Variants in ACE observed in about 807,000 individuals in gnomAD.
The protein encoded by ACE is angiotensin I converting enzyme, also known as angiotensin-converting enzyme.
ACE carries 122 observed loss-of-function variants against 162.3 expected under a neutral mutation model. The ratio of observed to expected loss-of-function variants is 0.75; its 90% CI spans 0.65 to 0.87. ACE has a LOEUF of 0.87. ACE is among the 40% of genes least tolerant of loss of function. The probability of loss-of-function intolerance (pLI) is 0.00; values close to 1 mark genes in which losing one functional copy is unlikely to be tolerated. For synonymous variants in ACE, 796 were observed against 720.6 expected (o/e 1.10, Z -1.68); for missense variants, 1,799 against 1,735.1 (o/e 1.04, Z -0.65).
Position 63,481,071 on chromosome 17 carries a change from C to A in ACE, c.848-20C>A. The A allele has an allele frequency of 6.2e-7, 1 of 1,608,958 alleles. No individual in the cohort carries two copies. Among genetic ancestry groups the A allele is most frequent in the South Asian group, 1.1e-5 (1 of 90,984 alleles). On this transcript the variant is annotated intron_variant, in intron 5 of 24. Transcript: ENST00000290866. ...ACAGCCAGGCAGGGAGCCAAGCTGT[C>A]CCCTTCCTTCCTTATCTAGGAGACA...
chr17:63,486,544 C>T lies in ACE; in HGVS notation c.2059-13C>T. ...CTCCTGGGCCCTGTGACACCATCCC[C>T]CTGTGCCCTCAGCTGCAGAAGAACA... is the stretch of plus-strand genomic sequence containing the variant. On this transcript the variant is annotated splice_polypyrimidine_tract_variant and intron_variant, in intron 13 of 24. Coordinates refer to ENST00000290866, the MANE Select transcript of ACE (RefSeq NM_000789.4). The T allele has an allele frequency of 6.2e-7, 1 of 1,613,986 alleles. No individual in the cohort carries two copies. Among genetic ancestry groups the T allele is most frequent in the Non-Finnish European group, 8.5e-7 (1 of 1,179,918 alleles).
In ACE at chr17:63,493,670, A is replaced by G; in HGVS notation, c.3136+11A>G. On this transcript the variant is annotated intron_variant, in intron 20 of 24. Coordinates refer to ENST00000290866, the MANE Select transcript of ACE (RefSeq NM_000789.4). ...AGGGTGGCAGCGACGGTGAGAGAGA[A>G]GCGGGAGGCCCTGGTGGGCTGAGGA... is the stretch of plus-strand genomic sequence containing the variant. 1 of 1,613,656 alleles carries G rather than the reference A, an allele frequency of 6.2e-7. No homozygotes were observed. The highest frequency in any genetic ancestry group is 1.1e-5 in the South Asian group (1 of 91,022).
intron 5 of ACE, among the ~76,000 whole-genome samples, chr17:63,480,845 G>T (rs2049695317): frequency 2.0e-5 from 3 of 152,254 alleles, no homozygotes; most frequent in Admixed American, 2.0e-4. Context: ...CCCTGCCTCA[G>T]GATTGAGTGG....
At chr17:63,494,533 G>A in intron 22 of ACE, 63 bp downstream of exon 22, 1 of 1,433,454 alleles carries the variant, frequency 7.0e-7, no homozygotes, top group Non-Finnish European at 9.8e-7. Flanking sequence ...TGTTTCAACT[G>A]CGGCCACTGC....
At position 63,493,632 on chromosome 17, in the gene ACE, C is replaced by A; in HGVS notation, c.3109C>A (p.Leu1037Met). 1 of 1,614,150 alleles carries A rather than the reference C, an allele frequency of 6.2e-7. No individual in the cohort carries two copies. The highest frequency in any genetic ancestry group is 8.5e-7 in the Non-Finnish European group (1 of 1,180,022). ...GCCCAAGCACCTGCACAGTCTCAAC[C>A]TGCTGAGCAGTGAGGGTGGCAGCGA... is the stretch of plus-strand genomic sequence containing the variant. Reference protein sequence around the residue: ...STPKHLHSLNLLSSEGGSDEH... With the variant: ...STPKHLHSLNMLSSEGGSDEH... Residue 1037 changes from leucine (L) to methionine (M), a missense_variant, in exon 20 of 25, where the codon CTG becomes ATG. Leu to Met is a conservative substitution (Grantham distance 15). Transcript: ENST00000290866.
intron 17 of ACE, among the ~76,000 whole-genome samples, chr17:63,490,189 C>A (rs914493675): frequency 5.3e-5 from 8 of 152,330 alleles, no homozygotes; most frequent in African/African-American, 1.9e-4. Flanking sequence ...CTGATGTCAG[C>A]CGAAGCTTCA....
intron 21 of ACE, 93 bp downstream of exon 21, chr17:63,494,159 T>A: frequency 6.8e-7 from 1 of 1,460,542 alleles, no homozygotes; most frequent in Admixed American, 1.8e-5. Context: ...TAGGGGAGTG[T>A]GTGTGTGTGT....
chr17:63,492,851 A>G (rs369663378), intron 19 of ACE, among the ~76,000 whole-genome samples: 29 of 152,178 alleles, frequency 1.9e-4, no homozygotes, highest in Admixed American at 1.9e-3. Context: ...GCGAGACCCC[A>G]TTTCATAAAA....
Position 63,479,041 on chromosome 17 carries a change from A to G in ACE, c.452A>G (p.Tyr151Cys). 6.2e-7 allele frequency: 1 copy of G among 1,611,908 alleles called. No homozygotes were observed. The highest frequency in any genetic ancestry group is 8.5e-7 in the Non-Finnish European group (1 of 1,179,568). ...NALLSNMSRIYSTAKVCLPNK... is the reference protein window; with the variant it reads ...NALLSNMSRICSTAKVCLPNK... ...CTGCTAAGCAACATGAGCAGGATCT[A>G]CTCCACCGCCAAGGTCTGCCTCCCC... Residue 151 changes from tyrosine to cysteine, a missense_variant, in exon 3 of 25, where the codon TAC (tyrosine) becomes TGC (cysteine). Physicochemically the swap from Tyr to Cys is radical, Grantham distance 194. Transcript: ENST00000290866.
At chr17:63,486,312 G>T (rs1297213849) in intron 13 of ACE, 2 of 574,860 alleles carry the variant, frequency 3.5e-6, no homozygotes, top group Non-Finnish European at 6.2e-6. Flanking sequence ...ACACTTGGGG[G>T]TCTTCTCTTC....
At chr17:63,486,511 C>T (rs778922358) in intron 13 of ACE, 46 bp from the exon 14 acceptor site, 1 of 1,610,440 alleles carries the variant, frequency 6.2e-7, no homozygotes, top group Non-Finnish European at 8.5e-7. Context: ...TCAGAGGCTG[C>T]TCTGGAGCTC....
Position 63,496,450 on chromosome 17 carries a change from C to G in ACE, c.3437C>G (p.Ala1146Gly). The change falls in exon 23 of 25, where the codon GCT (alanine) becomes GGT (glycine). Residue 1146 changes from alanine (A) to glycine (G), a missense_variant. By Grantham distance (60) the Ala-to-Gly change is moderately conservative (BLOSUM62 0). Transcript: ENST00000290866. The stretch of plus-strand genomic sequence containing the variant: ...TTCCACGAGGCACTGTGCCAGGCAG[C>G]TGGCCACACGGGCCCCCTGCACAAG... Reference protein sequence around the residue: ...FQFHEALCQAAGHTGPLHKCD... With the variant: ...FQFHEALCQAGGHTGPLHKCD... The G allele has an allele frequency of 1.2e-6, 2 of 1,614,222 alleles. No homozygotes were observed. The highest frequency in any genetic ancestry group is 8.5e-7 in the Non-Finnish European group (1 of 1,180,046).
chr17:63,481,005 C>T lies in ACE; in HGVS notation c.848-86C>T, dbSNP rs544238298. On this transcript the variant is annotated intron_variant, in intron 5 of 24. Transcript: ENST00000290866. ...CTTGAGGGCCCCAGGGTACAGGTGCCGGCCCCAGGGTGCCACTCAGCGATG... is the reference window on the plus strand; with the variant it reads ...CTTGAGGGCCCCAGGGTACAGGTGCTGGCCCCAGGGTGCCACTCAGCGATG... The T allele has an allele frequency of 1.9e-5, 26 of 1,344,392 alleles. 1 individual carries two copies. Among genetic ancestry groups the T allele is most frequent in the Admixed American group, 5.1e-5 (3 of 59,380 alleles). 83.3% of individuals were successfully genotyped at this position (1,344,392 alleles called of 1,614,324 possible). A position where few individuals can be genotyped will look rare whatever the true frequency, so the allele number is the denominator to read the frequency against.
rs897870088 is a variant in ACE at position 63,484,359 on chromosome 17, C to T, written c.1739C>T (p.Pro580Leu). The change falls in exon 12 of 25, where the codon CCC (proline) becomes CTC (leucine). Residue 580 changes from proline (P) to leucine (L), a missense_variant. Transcript: ENST00000290866. The surrounding 1 kb of genome is among the most constrained non-coding windows in gnomAD (Gnocchi z 4.0). Reference sequence around the variant, plus strand: ...GTGCTGCAGGCTGGCTCCTCCAGGCCCTGGCAGGAGGTGCTGAAGGACATG... The same window carrying T: ...GTGCTGCAGGCTGGCTCCTCCAGGCTCTGGCAGGAGGTGCTGAAGGACATG... ...RKVLQAGSSR[P>L]WQEVLKDMVG... 1.2e-6 allele frequency: 2 copies of T among 1,611,134 alleles called. No homozygotes were observed. The highest frequency in any genetic ancestry group is 1.7e-6 in the Non-Finnish European group (2 of 1,179,846).
At chr17:63,481,263 C>A in intron 6 of ACE, 75 bp downstream of exon 6, 1 of 1,390,266 alleles carries the variant, frequency 7.2e-7, no homozygotes, top group Non-Finnish European at 1.0e-6. Context: ...CAGATGGGCA[C>A]AGGGGCGGGA....
At chr17:63,493,794 A>G in intron 20 of ACE, 128 bp from the exon 21 acceptor site, 1 of 1,521,320 alleles carries the variant, frequency 6.6e-7, no homozygotes, top group Non-Finnish European at 9.0e-7. Context: ...GGAGCCACCC[A>G]GACCATCCCA....
chr17:63,482,393 A>G (rs979087818), intron 7 of ACE, 73 bp from the exon 8 acceptor site: 36 of 1,407,614 alleles, frequency 2.6e-5, no homozygotes, highest in African/African-American at 9.9e-5. Flanking sequence ...TCAGGTGCCA[A>G]TCTGCCCTGT....
Position 63,484,189 on chromosome 17 carries a change from G to A in ACE, c.1710-141G>A. ...AAATGCCCCCTGCCACCATCAGAGA[G>A]ATCCCAGGCCCCAGGGTCTTATTGC... is the stretch of plus-strand genomic sequence containing the variant. On this transcript the variant is annotated intron_variant, in intron 11 of 24. Transcript: ENST00000290866. This position sits in a 1 kb window ranked among gnomAD's most constrained non-coding sequence, Gnocchi z 4.0. 8.1e-7 allele frequency: 1 copy of A among 1,241,906 alleles called. No homozygotes were observed. Among genetic ancestry groups the A allele is most frequent in the Non-Finnish European group, 1.1e-6 (1 of 885,640 alleles). The allele number at this position is 1,241,906 out of a possible 1,614,324, so 76.9% of individuals were successfully genotyped here.
Position 63,491,027 on chromosome 17 carries a change from C to T in ACE, c.2715C>T (p.Asp905=), listed in dbSNP as rs1196859745. Residue 905 remains aspartate (D), a synonymous_variant, in exon 18 of 25, where the codon GAC becomes GAT. Coordinates refer to ENST00000290866, the MANE Select transcript of ACE (RefSeq NM_000789.4). This position sits in a 1 kb window ranked among gnomAD's most constrained non-coding sequence, Gnocchi z 4.4. ...VVPFPSAPSM[D]TTEAMLKQGW... ...CCTTCCCTTCAGCCCCCTCGATGGA[C>T]ACCACAGAGGCTATGCTAAAGCAGG... is the stretch of plus-strand genomic sequence containing the variant. 6.2e-7 allele frequency: 1 copy of T among 1,614,222 alleles called. No individual in the cohort carries two copies. The highest frequency in any genetic ancestry group is 1.7e-5 in the Admixed American group (1 of 60,034).
Sources: allele counts gnomAD v4.1 joint callset (sites outside exome capture counted in the v4.1 genomes callset), GRCh38; gene constraint gnomAD v4.1.1; non-coding constraint Gnocchi (gnomAD v3.1); transcripts MANE v1.5; gene names NCBI Gene and HGNC (gene_info 2026-07-23, HGNC 2026-07-21).